ANO10: variants seen among roughly 807,000 people sequenced by gnomAD.
ANO10 encodes anoctamin 10.
In ANO10, 77 loss-of-function variants were observed where a neutral mutation model predicts 74.7. The observed-to-expected ratio is 1.03, with a 90% CI of 0.86 to 1.25. ANO10 has a LOEUF of 1.25. Among genes scored for constraint, ANO10 ranks in the 50% most tolerant of loss-of-function variants. The probability of loss-of-function intolerance (pLI) is 0.00; values close to 1 mark genes in which losing one functional copy is unlikely to be tolerated. For missense variants in ANO10, 721 were observed against 778.1 expected (o/e 0.93, Z 0.87); for synonymous variants, 279 against 284.9 (o/e 0.98, Z 0.21).
At chr3:43,561,950 A>G (rs1178211398) in intron 8 of ANO10, among the ~76,000 whole-genome samples, 1 of 152,236 alleles carries the variant, frequency 6.6e-6, no homozygotes, top group African/African-American at 2.4e-5. Flanking sequence ...CTGGATAAAA[A>G]AAGTTTGGCT....
intron 1 of ANO10, among the ~76,000 whole-genome samples, chr3:43,676,352 A>C (rs1051209180): frequency 6.6e-6 from 1 of 152,068 alleles, no homozygotes; most frequent in African/African-American, 2.4e-5. Context: ...TCCCAGGTAC[A>C]CAGAGGTTGA....
intron 12 of ANO10, among the ~76,000 whole-genome samples, chr3:43,391,066 G>C (rs371976178): frequency 6.6e-6 from 1 of 152,142 alleles, no homozygotes; most frequent in African/African-American, 2.4e-5. Context: ...CCATTTGCTT[G>C]ATCACTCTCT....
intron 11 of ANO10, among the ~76,000 whole-genome samples, chr3:43,537,731 G>T (rs2078778552): frequency 1.3e-5 from 2 of 151,670 alleles, no homozygotes; most frequent in South Asian, 2.1e-4. Flanking sequence ...TCTGTTCATT[G>T]TTCTTAATAT....
At chr3:43,542,095 C>G (rs932039032) in intron 11 of ANO10, among the ~76,000 whole-genome samples, 1 of 152,140 alleles carries the variant, frequency 6.6e-6, no homozygotes, top group Non-Finnish European at 1.5e-5. Context: ...TAAAAAAGAT[C>G]TGCTGTAAAA....
Position 43,506,308 on chromosome 3 carries a change from A to G in ANO10, c.1797+43412T>C, listed in dbSNP as rs372979600. Among the ~76,000 whole-genome samples the G allele has an allele frequency of 3.3e-5, 5 of 152,130 alleles. No homozygotes were observed. The South Asian group carries it at 6.2e-4, about 19-fold the overall frequency. On this transcript the variant is annotated intron_variant, in intron 11 of 12. Coordinates refer to ENST00000292246, the MANE Select transcript of ANO10 (RefSeq NM_018075.5). ...ATCAAATCCTTTATTTTGCATTGAA[A>G]ATCTATGCACAACCCAACCACTTTG...
chr3:43,635,763 A>G (rs1016130344), intron 1 of ANO10, among the ~76,000 whole-genome samples: 5 of 151,698 alleles, frequency 3.3e-5, no homozygotes. Context: ...GGGACTACAG[A>G]CGCGCACCCA....
intron 11 of ANO10, chr3:43,485,357 G>A: frequency 2.1e-6 from 1 of 479,762 alleles, no homozygotes; most frequent in South Asian, 2.0e-5. Flanking sequence ...ATCCAGGGAG[G>A]CGCCCATTGC....
At chr3:43,412,302 G>C (rs2148894562) in intron 12 of ANO10, among the ~76,000 whole-genome samples, 1 of 152,164 alleles carries the variant, frequency 6.6e-6, no homozygotes, top group African/African-American at 2.4e-5. Flanking sequence ...TGGGGCAGTG[G>C]GACAAAGTGT....
At chr3:43,549,990 G>A (rs999361526) in intron 10 of ANO10, 142 bp from the exon 11 acceptor site, 3 of 970,502 alleles carry the variant, frequency 3.1e-6, no homozygotes, top group Non-Finnish European at 4.5e-6. Flanking sequence ...TTTTTTCTCT[G>A]TCATGGTATG....
chr3:43,464,022 TA>T (rs1478739312), intron 11 of ANO10, among the ~76,000 whole-genome samples: 1 of 152,306 alleles, frequency 6.6e-6, no homozygotes, highest in Non-Finnish European at 1.5e-5. Context: ...TACTACCATC[TA>T]TGTAAGACAT....
intron 12 of ANO10, among the ~76,000 whole-genome samples, chr3:43,381,942 A>G (rs2091970992): frequency 6.6e-6 from 1 of 152,228 alleles, no homozygotes; most frequent in Non-Finnish European, 1.5e-5. Flanking sequence ...AATACATGGA[A>G]ATTAAATAGC....
rs2149278405 is a variant in ANO10 at position 43,541,295 on chromosome 3, A to G, written c.1797+8425T>C. On this transcript the variant is annotated intron_variant, in intron 11 of 12. Transcript: ENST00000292246. Reference sequence around the variant, plus strand: ...AGAAACAATGACAATAATAGCTAACAAAACTAAACACTTAATCTTGCCAGG... The same window carrying G: ...AGAAACAATGACAATAATAGCTAACGAAACTAAACACTTAATCTTGCCAGG... 2.0e-5 allele frequency among the ~76,000 whole-genome samples: 3 copies of G among 152,354 alleles called. 1 individual carries two copies. The South Asian group carries it at 6.2e-4, about 32-fold the overall frequency.
In ANO10 at chr3:43,578,544, G is replaced by C. The variant is rs540675563; in HGVS notation, c.593-1283C>G. On this transcript the variant is annotated intron_variant, in intron 5 of 12. Coordinates refer to ENST00000292246, the MANE Select transcript of ANO10 (RefSeq NM_018075.5). Reference sequence around the variant, plus strand: ...GCGGGCGAATCACCTGAGGTCAGGAGTTCAAGACCAGCCTGGCCAACATGG... The same window carrying C: ...GCGGGCGAATCACCTGAGGTCAGGACTTCAAGACCAGCCTGGCCAACATGG... 1.1e-3 allele frequency among the ~76,000 whole-genome samples: 161 copies of C among 152,258 alleles called. 1 individual carries two copies. The highest frequency in any genetic ancestry group is 3.7e-3 in the African/African-American group (152 of 41,568).
chr3:43,652,746 T>C (rs2149569259), intron 1 of ANO10, among the ~76,000 whole-genome samples: 1 of 152,006 alleles, frequency 6.6e-6, no homozygotes, highest in South Asian at 2.1e-4. Flanking sequence ...ATAAGGCCTT[T>C]CAAAGCATGT....
chr3:43,522,512 T>C (rs1321483342), intron 11 of ANO10, among the ~76,000 whole-genome samples: 1 of 152,170 alleles, frequency 6.6e-6, no homozygotes, highest in African/African-American at 2.4e-5. Flanking sequence ...AAGAGCTTCA[T>C]ACAACTTTAT....
chr3:43,546,128 G>A (rs935470472), intron 11 of ANO10, among the ~76,000 whole-genome samples: 1 of 152,048 alleles, frequency 6.6e-6, no homozygotes, highest in African/African-American at 2.4e-5. Flanking sequence ...AAGTCAATAA[G>A]GTATAAACAA....
intron 11 of ANO10, among the ~76,000 whole-genome samples, chr3:43,439,272 G>A (rs2093123088): frequency 6.6e-6 from 1 of 151,464 alleles, no homozygotes; most frequent in South Asian, 2.1e-4. Context: ...ACCAAGAATT[G>A]TATACCTGGA....
At chr3:43,506,851 C>A (rs1373700532) in intron 11 of ANO10, among the ~76,000 whole-genome samples, 1 of 152,154 alleles carries the variant, frequency 6.6e-6, no homozygotes. Flanking sequence ...TATCTCCCTT[C>A]CTCACCTTAT....
At chr3:43,623,118 G>A (rs556300409), upstream of ANO10, among the ~76,000 whole-genome samples, 3 of 152,046 alleles carry the variant, frequency 2.0e-5, no homozygotes, top group African/African-American at 7.2e-5. Flanking sequence ...CGCCTGCCTC[G>A]GTTTCCCAAA....
Sources: allele counts gnomAD v4.1 joint callset (sites outside exome capture counted in the v4.1 genomes callset), GRCh38; gene constraint gnomAD v4.1.1; transcripts MANE v1.5; gene names NCBI Gene and HGNC (gene_info 2026-07-23, HGNC 2026-07-21).